Variants in TRIM14 observed in about 807,000 individuals in gnomAD.
TRIM14 encodes the protein tripartite motif containing 14.
TRIM14 carries 28 observed loss-of-function variants against 44.5 expected under a neutral mutation model. The observed-to-expected ratio is 0.63, with a 90% confidence interval of 0.47 to 0.86. The LOEUF is 0.86. TRIM14 is among the 40% of genes least tolerant of loss of function. The probability of loss-of-function intolerance (pLI) is 0.00; values close to 1 mark genes in which losing one functional copy is unlikely to be tolerated. For synonymous variants in TRIM14, 299 were observed against 269.2 expected (o/e 1.11, Z -1.08); for missense variants, 607 against 611.1 (o/e 0.99, Z 0.07).
the TRIM14 span, chr9:98,061,077 GC>G: frequency 7.4e-7 from 1 of 1,344,544 alleles, no homozygotes; most frequent in Non-Finnish European, 1.1e-6. Context: ...CCGGCTTAGG[GC>G]CACCTCCAGC....
the TRIM14 span, chr9:98,056,767 G>C: frequency 1.2e-6 from 2 of 1,600,238 alleles, no homozygotes; most frequent in Non-Finnish European, 1.7e-6. Flanking sequence ...GCGGCGGCCG[G>C]ACCCAGACTG....
downstream of TRIM14, among the ~76,000 whole-genome samples, chr9:98,065,353 C>G (rs1364722967): frequency 9.0e-6 from 1 of 110,930 alleles, no homozygotes; most frequent in Non-Finnish European, 1.7e-5. Flanking sequence ...GTTATTGTTG[C>G]CCAGGCTGGA....
chr9:98,038,028 C>T, the TRIM14 span, among the ~76,000 whole-genome samples: 130 of 152,000 alleles, frequency 8.6e-4, no homozygotes, highest in African/African-American at 2.9e-3. Flanking sequence ...CCAGTGCACC[C>T]GGCTCTTATT....
At chr9:98,071,663 C>T (rs1587915475) in intron 6 of TRIM14, among the ~76,000 whole-genome samples, 1 of 152,178 alleles carries the variant, frequency 6.6e-6, no homozygotes, top group Non-Finnish European at 1.5e-5. Context: ...TCAGTGTGAC[C>T]TTGGTGAGCC....
Position 98,091,967 on chromosome 9 carries a change from G to A in TRIM14, c.735C>T (p.Thr245=). The A allele has an allele frequency of 2.5e-6, 4 of 1,610,828 alleles. No homozygotes were observed. Among genetic ancestry groups the A allele is most frequent in the Non-Finnish European group, 3.4e-6 (4 of 1,177,706 alleles). ...TGGTTTTCAACAAGGTACCTGGCTT[G>A]GTGCTGGAAGGGTCTGAGAGCTGGC... ...INCQLSDPSS[T]KPGTLLKTSP... The change falls in exon 5 of 6, where the codon ACC becomes ACT. Residue 245 remains threonine (T), a synonymous_variant. Coordinates refer to ENST00000341469, the MANE Select transcript of TRIM14 (RefSeq NM_014788.4).
chr9:98,042,095 C>A, the TRIM14 span, among the ~76,000 whole-genome samples: 16 of 151,204 alleles, frequency 1.1e-4, no homozygotes, highest in South Asian at 4.2e-4. Flanking sequence ...AGATCAAGAC[C>A]ATCCTGGCTA....
In TRIM14 at chr9:98,084,978, T is replaced by C. The variant is rs1358596116; in HGVS notation, c.*2492A>G. On this transcript the variant is annotated 3_prime_UTR_variant, in exon 6 of 6. Transcript: ENST00000341469. ...AAAGTGACTAGCCCTGGTCACACAA[T>C]TGATATGGACTGAAACTGCCGCTTT... 1 of 152,194 alleles carries C rather than the reference T, an allele frequency of 6.6e-6. No individual in the cohort carries two copies. The highest frequency in any genetic ancestry group is 1.5e-5 in the Non-Finnish European group (1 of 68,046). The allele number at this position is 152,194 out of a possible 1,614,324, so 9.4% of individuals were successfully genotyped here. A position where few individuals can be genotyped will look rare whatever the true frequency, so the allele number is the denominator to read the frequency against.
chr9:98,087,644 G>A lies in TRIM14; in HGVS notation c.1155C>T (p.Arg385=), dbSNP rs377045210. The A allele has an allele frequency of 6.1e-5, 98 of 1,604,736 alleles. No homozygotes were observed. The African/African-American group carries it at 1.2e-3, about 20-fold the overall frequency. The change falls in exon 6 of 6, where the codon CGC becomes CGT. Residue 385 remains arginine, a synonymous_variant. Transcript: ENST00000341469. ...HDGQRSRLRP[R]DDLDRLGVFL... is the part of the protein sequence containing the mutation. ...AGACGCCGAGCCGGTCGAGGTCGTC[G>A]CGGGGCCGCAGGCGGCTGCGCTGGC... is the stretch of plus-strand genomic sequence containing the variant.
intron 5 of TRIM14, among the ~76,000 whole-genome samples, chr9:98,088,624 T>G (rs1825888081): frequency 6.6e-6 from 1 of 152,266 alleles, no homozygotes; most frequent in Non-Finnish European, 1.5e-5. Flanking sequence ...TGACACATCA[T>G]AATATCCTTT....
chr9:98,100,661 G>T (rs1159091556), intron 2 of TRIM14, among the ~76,000 whole-genome samples: 1 of 152,004 alleles, frequency 6.6e-6, no homozygotes, highest in Non-Finnish European at 1.5e-5. Context: ...TAAATCTACA[G>T]GATCTAAAAC....
intron 4 of TRIM14, 46 bp from the exon 5 acceptor site, chr9:98,092,047 A>G (rs915445644): frequency 7.0e-7 from 1 of 1,430,052 alleles, no homozygotes; most frequent in Non-Finnish European, 9.7e-7. Flanking sequence ...TTATGCAAGC[A>G]GACAAATAAG....
the TRIM14 span, among the ~76,000 whole-genome samples, chr9:98,048,064 C>CAAAAAA: frequency 9.3e-6 from 1 of 107,536 alleles, no homozygotes; most frequent in Non-Finnish European, 2.1e-5. Flanking sequence ...GACTCCTTCT[C>CAAAAAA]AAAAAAAAAA....
chr9:98,060,259 T>C, the TRIM14 span, among the ~76,000 whole-genome samples: 29 of 151,602 alleles, frequency 1.9e-4, no homozygotes, highest in Admixed American at 1.8e-3. Flanking sequence ...GAGAAAAAAA[T>C]AGGGGGAGGT....
intron 6 of TRIM14, chr9:98,075,166 T>C (rs1215265669): frequency 6.7e-6 from 1 of 149,778 alleles, no homozygotes; most frequent in Admixed American, 6.7e-5. Context: ...AAAAAAAAAA[T>C]TAGCCACATG....
At chr9:98,105,260 C>T (rs1826562388) in intron 2 of TRIM14, among the ~76,000 whole-genome samples, 1 of 152,254 alleles carries the variant, frequency 6.6e-6, no homozygotes, top group South Asian at 2.1e-4. Flanking sequence ...GGTCTGGTGC[C>T]AGGCTGGGCC....
intron 2 of TRIM14, among the ~76,000 whole-genome samples, chr9:98,102,007 CAAAAA>C (rs998993291): frequency 1.7e-5 from 1 of 57,716 alleles, no homozygotes; most frequent in Admixed American, 1.7e-4. Context: ...GACTTTGACT[CAAAAA>C]AAAAAAAAAA....
chr9:98,111,682 G>A (rs947737291), intron 1 of TRIM14, among the ~76,000 whole-genome samples: 1 of 152,240 alleles, frequency 6.6e-6, no homozygotes, highest in Non-Finnish European at 1.5e-5. Flanking sequence ...GCTAACGCCT[G>A]TAATCCCAGC....
At chr9:98,102,446 C>T (rs1359369964) in intron 2 of TRIM14, among the ~76,000 whole-genome samples, 1 of 152,144 alleles carries the variant, frequency 6.6e-6, no homozygotes, top group South Asian at 2.1e-4. Context: ...ATATGTATAT[C>T]GGTTCATTAT....
At chr9:98,037,502 A>G in the TRIM14 span, among the ~76,000 whole-genome samples, 1 of 152,180 alleles carries the variant, frequency 6.6e-6, no homozygotes, top group Non-Finnish European at 1.5e-5. Context: ...GGACCTGCAG[A>G]CAGTAGCCAG....
Sources: gnomAD v4.1 joint callset for allele counts (sites outside exome capture counted in the v4.1 genomes callset) on GRCh38, gnomAD v4.1.1 for gene constraint, MANE v1.5 for transcripts, NCBI Gene and HGNC (gene_info 2026-07-23, HGNC 2026-07-21) for gene names.